ACSM3: variants seen among roughly 807,000 people sequenced by gnomAD.
ACSM3 encodes acyl-CoA synthetase medium chain family member 3.
A neutral mutation model predicts 74.1 loss-of-function variants in ACSM3; 61 were observed. That is an observed-to-expected ratio of 0.82 (90% CI 0.67 to 1.02). The LOEUF (loss-of-function observed/expected upper bound fraction) is 1.02, where lower values mean the gene tolerates loss of function less well. Ranked by LOEUF, ACSM3 falls within the 50% of genes least tolerant of loss-of-function variation. ACSM3 has a pLI of 0.00. For synonymous variants in ACSM3, 213 were observed against 241.5 expected, an observed-to-expected ratio of 0.88 and a Z score of 1.09; for missense variants, 660 against 697.0, an observed-to-expected ratio of 0.95 and a Z score of 0.60.
intron 2 of ACSM3, among the ~76,000 whole-genome samples, chr16:20,771,081 T>C (rs537259971): frequency 6.6e-6 from 1 of 152,252 alleles, no homozygotes; most frequent in African/African-American, 2.4e-5. Context: ...ACAATTCCAC[T>C]CCCTACTTCT....
chr16:20,712,550 AAG>A (rs1491240083), intron 1 of ACSM3, among the ~76,000 whole-genome samples: 1 of 152,168 alleles, frequency 6.6e-6, no homozygotes, highest in Non-Finnish European at 1.5e-5. Flanking sequence ...ATGTAAAAAA[AAG>A]AGTAAAATAT....
rs2080444195 is a variant in ACSM3 at position 20,785,110 on chromosome 16, A to T, written c.1143+3A>T. 2 of 1,612,824 alleles carry T rather than the reference A, an allele frequency of 1.2e-6. No homozygotes were observed. The highest frequency in any genetic ancestry group is 1.3e-5 in the African/African-American group (1 of 75,010). ...AAGGATATGGACAGACTGAAACGGT[A>T]CCTGACCTCACTGAAAAGACATAGC... is the stretch of plus-strand genomic sequence containing the variant. On this transcript the variant is annotated splice_donor_region_variant and intron_variant, in intron 8 of 13. Transcript: ENST00000289416.
intron 9 of ACSM3, among the ~76,000 whole-genome samples, chr16:20,788,980 A>G (rs2080533992): frequency 6.6e-6 from 1 of 152,250 alleles, no homozygotes. Flanking sequence ...GTGCTAGATA[A>G]GTATTATACT....
intron 1 of ACSM3, chr16:20,682,301 G>T: frequency 6.2e-7 from 1 of 1,613,798 alleles, no homozygotes; most frequent in Non-Finnish European, 8.5e-7. Context: ...GCTGTGATCA[G>T]ACACCAGGAG....
At chr16:20,773,872 G>T (rs953849815) in intron 2 of ACSM3, among the ~76,000 whole-genome samples, 8 of 152,152 alleles carry the variant, frequency 5.3e-5, no homozygotes, top group African/African-American at 1.9e-4. Flanking sequence ...TATCTGCGAG[G>T]TCCATTTGGT....
chr16:20,748,553 T>C (rs757419439), intron 1 of ACSM3, among the ~76,000 whole-genome samples: 3 of 152,220 alleles, frequency 2.0e-5, no homozygotes, highest in Non-Finnish European at 4.4e-5. Context: ...CAGTTGCACA[T>C]ACAAATATTC....
At chr16:20,768,842 T>C (rs532235892) in intron 1 of ACSM3, among the ~76,000 whole-genome samples, 1 of 152,318 alleles carries the variant, frequency 6.6e-6, no homozygotes, top group South Asian at 2.1e-4. Context: ...AGGAAAAAGC[T>C]GAAACCAGAT....
At chr16:20,715,009 G>C (rs77000869) in intron 1 of ACSM3, among the ~76,000 whole-genome samples, 1 of 142,514 alleles carries the variant, frequency 7.0e-6, no homozygotes, top group Non-Finnish European at 1.6e-5. Context: ...AGATAGATAG[G>C]TAGATAGATG....
At chr16:20,786,647 C>T (rs1247880391) in intron 9 of ACSM3, among the ~76,000 whole-genome samples, 1 of 152,236 alleles carries the variant, frequency 6.6e-6, no homozygotes, top group Non-Finnish European at 1.5e-5. Flanking sequence ...CACACCACTG[C>T]ACTCTAACCT....
At chr16:20,758,621 T>A (rs1216695495) in intron 3 of ACSM3, among the ~76,000 whole-genome samples, 2 of 152,208 alleles carry the variant, frequency 1.3e-5, no homozygotes, top group African/African-American at 4.8e-5. Flanking sequence ...CTTTTGTGTC[T>A]CTATTTCCTT....
chr16:20,780,550 A>C, intron 4 of ACSM3, 164 bp from the exon 5 acceptor site: 1 of 1,450,208 alleles, frequency 6.9e-7, no homozygotes, highest in African/African-American at 1.4e-5. Flanking sequence ...AGCACCTAAA[A>C]GGATAGAGAA....
intron 1 of ACSM3, among the ~76,000 whole-genome samples, chr16:20,742,813 A>ATATATATATATTT (rs61582869): frequency 7.8e-4 from 52 of 66,818 alleles, no homozygotes; most frequent in Non-Finnish European, 1.3e-3. Flanking sequence ...ATATATATAT[A>ATATATATATATTT]TTTTTTTTTT....
At position 20,790,789 on chromosome 16, in the gene ACSM3, CT is replaced by C; in HGVS notation, c.1326+104del. On this transcript the variant is annotated intron_variant, in intron 10 of 13. Coordinates refer to ENST00000289416, the MANE Select transcript of ACSM3 (RefSeq NM_005622.4). The surrounding 1 kb of genome is among the most constrained non-coding windows in gnomAD (Gnocchi z 4.0). ...ACATACCTAGGATAGGTACTTGACC[CT>C]TTCTTGAGAGATTGGTTGTCCTGAA... The C allele has an allele frequency of 2.5e-6, 4 of 1,613,114 alleles. No homozygotes were observed. The South Asian group carries it at 4.4e-5, about 18-fold the overall frequency.
intron 1 of ACSM3, chr16:20,734,181 A>C (rs145414851): frequency 6.6e-6 from 1 of 152,660 alleles, no homozygotes; most frequent in East Asian, 1.9e-4. Context: ...CAGCTTTCAC[A>C]AAGTAAAAAC....
chr16:20,736,632 C>G, intron 1 of ACSM3: 1 of 437,260 alleles, frequency 2.3e-6, no homozygotes, highest in Non-Finnish European at 4.1e-6. Context: ...GAGAGGCCAA[C>G]ATCCCCCTCC....
intron 1 of ACSM3, among the ~76,000 whole-genome samples, chr16:20,699,638 G>A (rs1490771810): frequency 6.6e-6 from 1 of 152,114 alleles, no homozygotes. Context: ...GCCACTTTTC[G>A]GAAAAGAATG....
rs183939689 is a variant in ACSM3, at chr16:20,775,843, G to C, written c.224G>C (p.Gly75Ala). 2.5e-6 allele frequency: 4 copies of C among 1,614,168 alleles called. No homozygotes were observed. The highest frequency in any genetic ancestry group is 2.7e-5 in the African/African-American group (2 of 75,028). ...GACTGGTTTTTCTTTCCTCAGGCTG[G>C]AAAGAAACCTTCAAATCCAGCCTTC... ...LDQWTDKEKA[G>A]KKPSNPAFWW... Residue 75 changes from glycine (G) to alanine (A), a missense_variant, in exon 3 of 14, where the codon GGA becomes GCA. Transcript: ENST00000289416.
At chr16:20,683,126 A>T (rs575108839) in intron 1 of ACSM3, among the ~76,000 whole-genome samples, 43 of 148,346 alleles carry the variant, frequency 2.9e-4, no homozygotes, top group African/African-American at 9.7e-4. Context: ...TTATTTATTT[A>T]TTTTTTTTTA....
At chr16:20,761,896 C>A (rs1315239592), upstream of ACSM3, among the ~76,000 whole-genome samples, 1 of 152,180 alleles carries the variant, frequency 6.6e-6, no homozygotes, top group Non-Finnish European at 1.5e-5. Flanking sequence ...AGAATGTGCA[C>A]AACTTCAGTA....
Sources: gnomAD v4.1 joint callset for allele counts (sites outside exome capture counted in the v4.1 genomes callset) on GRCh38, gnomAD v4.1.1 for gene constraint, Gnocchi (gnomAD v3.1) non-coding constraint, MANE v1.5 for transcripts, NCBI Gene and HGNC (gene_info 2026-07-23, HGNC 2026-07-21) for gene names.